The following PAX7 variants were observed in gnomAD, a reference collection of about 807,000 sequenced individuals.
PAX7 encodes paired box protein Pax-7.
Under a neutral mutation model 50.7 loss-of-function variants are expected in PAX7, and 18 were observed. The observed-to-expected ratio is 0.36, with a 90% CI of 0.25 to 0.53. PAX7 has a LOEUF of 0.53. Ranked by LOEUF, PAX7 falls within the 20% of genes least tolerant of loss-of-function variation. PAX7 has a pLI of 0.93. For synonymous variants in PAX7, 310 were observed against 290.4 expected, an observed-to-expected ratio of 1.07 and a Z score of -0.69; for missense variants, 644 against 702.9, an observed-to-expected ratio of 0.92 and a Z score of 0.95.
At chr1:18,739,517 G>A (rs1931007477) in intron 8 of PAX7, among the ~76,000 whole-genome samples, 1 of 152,236 alleles carries the variant, frequency 6.6e-6, no homozygotes, top group Non-Finnish European at 1.5e-5. Flanking sequence ...GCCACCCTAT[G>A]CAGTACACGT....
chr1:18,704,079 C>T (rs1054642308), intron 7 of PAX7, among the ~76,000 whole-genome samples: 1 of 152,156 alleles, frequency 6.6e-6, no homozygotes, highest in African/African-American at 2.4e-5. Context: ...GAGCCTGGCA[C>T]GAAATCAGTG....
intron 6 of PAX7, among the ~76,000 whole-genome samples, chr1:18,701,660 G>A (rs1487576190): frequency 6.6e-6 from 1 of 152,174 alleles, no homozygotes; most frequent in African/African-American, 2.4e-5. Flanking sequence ...CTCCTTTGAG[G>A]ACCTGAGAAA....
rs1209069046 is a variant in PAX7, at chr1:18,735,703, G to A, written c.1227G>A (p.Leu409=). The part of the protein sequence containing the change: ...QPQADFSISP[L]HGGLDSATSI... The stretch of plus-strand genomic sequence containing the variant: ...AGGCTGACTTCTCCATCTCCCCGCT[G>A]CATGGCGGCCTGGACTCGGCCACCT... The change falls in exon 8 of 9, where the codon CTG becomes CTA. Residue 409 remains leucine, a synonymous_variant. Transcript: ENST00000420770. The surrounding 1 kb of genome is among the most constrained non-coding windows in gnomAD (Gnocchi z 4.0). 6.2e-7 allele frequency: 1 copy of A among 1,614,122 alleles called. No homozygotes were observed. The highest frequency in any genetic ancestry group is 1.3e-5 in the African/African-American group (1 of 75,062).
intron 7 of PAX7, among the ~76,000 whole-genome samples, chr1:18,710,060 C>A (rs912918618): frequency 5.3e-5 from 8 of 152,194 alleles, no homozygotes; most frequent in African/African-American, 1.9e-4. Context: ...CTCTGGGCAG[C>A]CAGTTCAGCA....
At chr1:18,633,964 CTCA>C (rs970558310) in intron 1 of PAX7, among the ~76,000 whole-genome samples, 14 of 152,290 alleles carry the variant, frequency 9.2e-5, no homozygotes, top group Non-Finnish European at 8.8e-5. Context: ...TGTCTGCAGT[CTCA>C]TCTTCATCTC....
chr1:18,727,604 G>A (rs979783084), intron 7 of PAX7, among the ~76,000 whole-genome samples: 20 of 152,082 alleles, frequency 1.3e-4, no homozygotes, highest in African/African-American at 4.8e-4. Flanking sequence ...TGAAAAATGG[G>A]GTCACAGTAC....
Position 18,735,661 on chromosome 1 carries a change from G to A in PAX7, c.1185G>A (p.Ala395=), listed in dbSNP as rs138918372. 147 of 1,613,830 alleles carry A rather than the reference G, an allele frequency of 9.1e-5. No homozygotes were observed. Among genetic ancestry groups the A allele is most frequent in the Admixed American group, 7.2e-4 (43 of 60,014 alleles). ...TGAGCATCTTGGGCAACCCCAGTGC[G>A]GTGCCCCCGCAGCCACAGGCTGACT... ...QVMSILGNPS[A]VPPQPQADFS... The change falls in exon 8 of 9, where the codon GCG becomes GCA. Residue 395 remains alanine (A), a synonymous_variant. Transcript: ENST00000420770. This position sits in a 1 kb window ranked among gnomAD's most constrained non-coding sequence, Gnocchi z 4.0.
intron 4 of PAX7, among the ~76,000 whole-genome samples, chr1:18,642,742 G>T (rs1321488895): frequency 6.7e-6 from 1 of 149,940 alleles, no homozygotes; most frequent in Non-Finnish European, 1.5e-5. Flanking sequence ...GGAGCAGGGG[G>T]AGGGAGGGAG....
chr1:18,713,328 C>T (rs1045432611), intron 7 of PAX7, among the ~76,000 whole-genome samples: 15 of 152,092 alleles, frequency 9.9e-5, no homozygotes, highest in African/African-American at 3.1e-4. Context: ...GGCAGCATGG[C>T]AGTACTTGGC....
chr1:18,663,980 A>G (rs914249489), intron 4 of PAX7, among the ~76,000 whole-genome samples: 1 of 152,198 alleles, frequency 6.6e-6, no homozygotes, highest in Non-Finnish European at 1.5e-5. Context: ...GGGGGCTTAG[A>G]AAGCCCCCAC....
intron 7 of PAX7, among the ~76,000 whole-genome samples, chr1:18,706,034 C>A (rs528389822): frequency 6.6e-6 from 1 of 152,106 alleles, no homozygotes; most frequent in African/African-American, 2.4e-5. Context: ...GGTTAACCTG[C>A]GAGCACTTCC....
At position 18,746,349 on chromosome 1, in the gene PAX7, G is replaced by A. The variant is rs528820197; in HGVS notation, c.*1420G>A. Reference sequence around the variant, plus strand: ...AACAATTCCAGAGCAGAGGGAAGAGGCACCTTCCTTGACCACACCAGTGGC... The same window carrying A: ...AACAATTCCAGAGCAGAGGGAAGAGACACCTTCCTTGACCACACCAGTGGC... On this transcript the variant is annotated 3_prime_UTR_variant, in exon 9 of 9. Transcript: ENST00000420770. 141 of 230,418 alleles carry A rather than the reference G, an allele frequency of 6.1e-4. 1 individual carries two copies. Among genetic ancestry groups the A allele is most frequent in the South Asian group, 1.3e-3 (7 of 5,518 alleles). 14.3% of individuals were successfully genotyped at this position (230,418 alleles called of 1,614,324 possible).
In PAX7 at chr1:18,735,495, G is replaced by A; in HGVS notation, c.1156-137G>A. 1.4e-6 allele frequency: 2 copies of A among 1,443,984 alleles called. No individual in the cohort carries two copies. The highest frequency in any genetic ancestry group is 1.8e-6 in the Non-Finnish European group (2 of 1,086,316). The allele number at this position is 1,443,984 out of a possible 1,614,324, so 89.4% of individuals were successfully genotyped here. A position where few individuals can be genotyped will look rare whatever the true frequency, so the allele number is the denominator to read the frequency against. On this transcript the variant is annotated intron_variant, in intron 7 of 8. Transcript: ENST00000420770. The surrounding 1 kb of genome is among the most constrained non-coding windows in gnomAD (Gnocchi z 4.0). ...GGGCACGCAAATCAGGTAAACTGAG[G>A]ACCTCGAAGCTACAGAGACTTCAAG... is the stretch of plus-strand genomic sequence containing the variant.
At position 18,746,704 on chromosome 1, in the gene PAX7, C is replaced by T. The variant is rs1007925311; in HGVS notation, c.*1775C>T. On this transcript the variant is annotated 3_prime_UTR_variant, in exon 9 of 9. Coordinates refer to ENST00000420770, the MANE Select transcript of PAX7 (RefSeq NM_001135254.2). ...TTCCTAGAGGGAAAGGGCTGCTGCT[C>T]TGGGAGTCAACCTGAGTTCCTCCCT... 1.7e-5 allele frequency: 4 copies of T among 231,340 alleles called. No individual in the cohort carries two copies. Among genetic ancestry groups the T allele is most frequent in the African/African-American group, 8.8e-5 (4 of 45,244 alleles). The allele number at this position is 231,340 out of a possible 1,614,324, so 14.3% of individuals were successfully genotyped here.
rs1006086216 is a variant in PAX7, at chr1:18,634,092, C to A, written c.86-211C>A. The stretch of plus-strand genomic sequence containing the variant: ...GGAGACTCTTGCAGCTGTGACTCCT[C>A]TATCCATCTCTGCAGGAGATTTCCT... On this transcript the variant is annotated intron_variant, in intron 1 of 8. Coordinates refer to ENST00000420770, the MANE Select transcript of PAX7 (RefSeq NM_001135254.2). The surrounding 1 kb of genome is among the most constrained non-coding windows in gnomAD (Gnocchi z 4.0). Among the ~76,000 whole-genome samples the A allele has an allele frequency of 6.6e-6, 1 of 152,256 alleles. No homozygotes were observed. Among genetic ancestry groups the A allele is most frequent in the Admixed American group, 6.5e-5 (1 of 15,288 alleles).
At chr1:18,699,433 C>T (rs2089188068) in intron 5 of PAX7, among the ~76,000 whole-genome samples, 1 of 152,124 alleles carries the variant, frequency 6.6e-6, no homozygotes, top group Non-Finnish European at 1.5e-5. Flanking sequence ...GAGGGAACAG[C>T]ATGTGCAAAG....
rs1274741262 is a variant in PAX7 at position 18,690,861 on chromosome 1, A to C, written c.587-893A>C. Among the ~76,000 whole-genome samples the C allele has an allele frequency of 2.6e-5, 4 of 152,130 alleles. No individual in the cohort carries two copies. The East Asian group carries it at 7.7e-4, about 29-fold the overall frequency. ...GGAAGTCGCCTAATCCAAACCCTTC[A>C]TGTCACAAATGGGGAAAGTGAGGCC... On this transcript the variant is annotated intron_variant, in intron 4 of 8. Coordinates refer to ENST00000420770, the MANE Select transcript of PAX7 (RefSeq NM_001135254.2).
intron 4 of PAX7, among the ~76,000 whole-genome samples, chr1:18,664,723 C>A (rs1036957841): frequency 6.6e-6 from 1 of 151,872 alleles, no homozygotes; most frequent in African/African-American, 2.4e-5. Flanking sequence ...TAGTCCTATC[C>A]CCCCATTTTA....
chr1:18,655,771 GT>G (rs1325249196), intron 4 of PAX7, among the ~76,000 whole-genome samples: 317 of 17,040 alleles, frequency 0.019, 3 homozygotes, highest in African/African-American at 0.071. Context: ...CTTGGAGAGG[GT>G]GTGTGTGTGT....
Sources: gnomAD v4.1 joint callset for allele counts (sites outside exome capture counted in the v4.1 genomes callset) on GRCh38, gnomAD v4.1.1 for gene constraint, Gnocchi (gnomAD v3.1) non-coding constraint, MANE v1.5 for transcripts, NCBI Gene and HGNC (gene_info 2026-07-23, HGNC 2026-07-21) for gene names.